The following UNKL variants were observed in gnomAD, a reference collection of about 807,000 sequenced individuals.
UNKL encodes the protein putative E3 ubiquitin-protein ligase UNKL.
UNKL carries 60 observed loss-of-function variants against 78.0 expected under a neutral mutation model. The observed-to-expected ratio is 0.77, with a 90% CI of 0.63 to 0.95. The LOEUF (loss-of-function observed/expected upper bound fraction) is 0.95, where lower values mean the gene tolerates loss of function less well. UNKL is among the 40% of genes least tolerant of loss of function. UNKL has a pLI of 0.00. For synonymous variants in UNKL, 608 were observed against 474.8 expected (o/e 1.28, Z -3.65); for missense variants, 1,159 against 1,045.7 (o/e 1.11, Z -1.49).
intron 8 of UNKL, among the ~76,000 whole-genome samples, 170 bp from the exon 9 acceptor site, chr16:1,390,864 T>C (rs1567223324): frequency 6.6e-6 from 1 of 152,014 alleles, no homozygotes; most frequent in Non-Finnish European, 1.5e-5. Flanking sequence ...AACCTGTCTC[T>C]ACTAAAAACA....
chr16:1,372,205 A>T (rs1347894120), intron 10 of UNKL, among the ~76,000 whole-genome samples: 2 of 152,118 alleles, frequency 1.3e-5, no homozygotes, highest in African/African-American at 4.8e-5. Context: ...CGGAGCTTGC[A>T]GTGAGCCGAG....
chr16:1,391,589 G>A (rs779321605), intron 8 of UNKL, among the ~76,000 whole-genome samples: 5 of 152,108 alleles, frequency 3.3e-5, no homozygotes, highest in Non-Finnish European at 7.4e-5. Context: ...GTGAGCCACT[G>A]CAACTGGCCA....
chr16:1,399,561 G>T lies in UNKL; in HGVS notation c.599-52C>A. ...AGCAGCGCGACTGGAAGCAATGCTG[G>T]GCAGAGGAGACCAAAGGTGGAAGGA... is the stretch of plus-strand genomic sequence containing the variant. On this transcript the variant is annotated intron_variant, in intron 4 of 14. Transcript: ENST00000389221. The surrounding 1 kb of genome is among the most constrained non-coding windows in gnomAD (Gnocchi z 5.8). 6.4e-7 allele frequency: 1 copy of T among 1,554,894 alleles called. No homozygotes were observed. The highest frequency in any genetic ancestry group is 8.7e-7 in the Non-Finnish European group (1 of 1,153,586).
Position 1,413,924 on chromosome 16 carries a change from T to C in UNKL, c.209A>G (p.Asp70Gly). ...GTCGGGGCTGTAGTTGAAGGTGCCG[T>C]CGCGCCTGCGGAGGGGCCTGCGGCG... ...QRRRRPLRRR[D>G]GTFNYSPDVY... The change falls in exon 2 of 15, where the codon GAC (aspartate) becomes GGC (glycine). Residue 70 changes from aspartate (D) to glycine (G), a missense_variant. Asp to Gly is a moderately conservative substitution (Grantham distance 94). Coordinates refer to ENST00000389221, the MANE Select transcript of UNKL (RefSeq NM_001372107.1). 1 of 1,558,024 alleles carries C rather than the reference T, an allele frequency of 6.4e-7. No individual in the cohort carries two copies. The highest frequency in any genetic ancestry group is 1.2e-5 in the South Asian group (1 of 84,668).
chr16:1,395,087 A>G (rs1013109822), intron 6 of UNKL, among the ~76,000 whole-genome samples: 3 of 151,556 alleles, frequency 2.0e-5, no homozygotes, highest in Non-Finnish European at 1.5e-5. Context: ...CATGTTGGCC[A>G]GGCTGGTCTC....
At chr16:1,377,040 C>T (rs894551969) in intron 10 of UNKL, among the ~76,000 whole-genome samples, 6 of 151,964 alleles carry the variant, frequency 3.9e-5, no homozygotes, top group African/African-American at 7.3e-5. Flanking sequence ...CCCCCCCAAC[C>T]GAGATAGAGT....
chr16:1,367,778 C>T lies in UNKL; in HGVS notation c.1666G>A (p.Gly556Ser), dbSNP rs753614533. 1.0e-5 allele frequency: 16 copies of T among 1,572,752 alleles called. No individual in the cohort carries two copies. Among genetic ancestry groups the T allele is most frequent in the South Asian group, 2.3e-5 (2 of 85,446 alleles). ...CTTGCACTCGAAGAGGATGGGGGGC[C>T]GGCACTCAGGATGGGGGAGGGGCTG... ...SPSPSPILSAGPPSSSSASPN... is the reference protein window; with the variant it reads ...SPSPSPILSASPPSSSSASPN... Residue 556 changes from glycine (G) to serine (S), a missense_variant, in exon 13 of 15, where the codon GGC becomes AGC. Gly to Ser is a moderately conservative substitution (Grantham distance 56). Transcript: ENST00000389221.
chr16:1,388,467 A>C (rs1443078748), intron 9 of UNKL, among the ~76,000 whole-genome samples: 2 of 152,148 alleles, frequency 1.3e-5, no homozygotes, highest in East Asian at 3.9e-4. Flanking sequence ...ATAAACCAAC[A>C]GGGACCAGAG....
chr16:1,406,497 G>A (rs1304636403), intron 2 of UNKL, among the ~76,000 whole-genome samples: 1 of 152,154 alleles, frequency 6.6e-6, no homozygotes, highest in African/African-American at 2.4e-5. Context: ...ACAGGCGTGA[G>A]CCACCGCGCC....
intron 9 of UNKL, among the ~76,000 whole-genome samples, chr16:1,386,945 C>A (rs1480567957): frequency 6.6e-6 from 1 of 152,192 alleles, no homozygotes; most frequent in Non-Finnish European, 1.5e-5. Flanking sequence ...GGGGCCTGCC[C>A]CCTCGTCCAT....
chr16:1,401,409 T>TG, intron 4 of UNKL, 159 bp downstream of exon 4: 1 of 940,044 alleles, frequency 1.1e-6, no homozygotes, highest in Non-Finnish European at 1.4e-6. Flanking sequence ...ACCCACCCCC[T>TG]GTTGGGGAGG....
At chr16:1,392,840 C>T (rs2037103849) in intron 8 of UNKL, 51 bp downstream of exon 8, 13 of 1,542,388 alleles carry the variant, frequency 8.4e-6, no homozygotes, top group Non-Finnish European at 1.1e-5. Context: ...CCTAAGAGTT[C>T]AATTAAACCA....
At chr16:1,393,071 G>A (rs878884623) in intron 7 of UNKL, 95 bp from the exon 8 acceptor site, 54 of 1,290,848 alleles carry the variant, frequency 4.2e-5, no homozygotes, top group South Asian at 2.3e-4. Context: ...CCGAGTGTGC[G>A]CAGCCTCGTC....
At chr16:1,388,428 C>T (rs117246734) in intron 9 of UNKL, among the ~76,000 whole-genome samples, 4,624 of 152,236 alleles carry the variant, frequency 0.03, 103 homozygotes, top group South Asian at 0.069. Context: ...GACTCCACCC[C>T]GGAGGCCTTC....
At chr16:1,397,463 C>T (rs1422740717) in intron 5 of UNKL, among the ~76,000 whole-genome samples, 168 bp from the exon 6 acceptor site, 2 of 106,034 alleles carry the variant, frequency 1.9e-5, no homozygotes, top group Non-Finnish European at 3.9e-5. Flanking sequence ...TGGGGCAGGG[C>T]GTGGACCTGG....
At chr16:1,384,141 A>T (rs2036718139) in intron 10 of UNKL, among the ~76,000 whole-genome samples, 1 of 152,140 alleles carries the variant, frequency 6.6e-6, no homozygotes, top group African/African-American at 2.4e-5. Context: ...ATGGGGCTTC[A>T]GCACATCCCA....
At chr16:1,368,874 G>C (rs1408054024) in intron 12 of UNKL, among the ~76,000 whole-genome samples, 2 of 152,002 alleles carry the variant, frequency 1.3e-5, no homozygotes, top group Non-Finnish European at 2.9e-5. Flanking sequence ...CTGGACGACA[G>C]AGTGAAACTT....
intron 10 of UNKL, among the ~76,000 whole-genome samples, chr16:1,375,216 T>G (rs1289045781): frequency 1.3e-5 from 2 of 152,222 alleles, no homozygotes; most frequent in Non-Finnish European, 1.5e-5. Context: ...GTGGCGCAGC[T>G]GGCAGGTCCG....
rs1022157518 is a variant in UNKL, at chr16:1,370,221, G to A, written c.1494C>T (p.Gly498=). 3.3e-6 allele frequency: 5 copies of A among 1,530,264 alleles called. No individual in the cohort carries two copies. The Admixed American group carries it at 6.0e-5, about 18-fold the overall frequency. The allele number at this position is 1,530,264 out of a possible 1,614,324, so 94.8% of individuals were successfully genotyped here. A position where few individuals can be genotyped will look rare whatever the true frequency, so the allele number is the denominator to read the frequency against. The part of the protein sequence containing the change: ...SLSQPLPGPV[G]SSAMTPPQQP... Reference sequence around the variant, plus strand: ...GCTGGGGAGGCGTCATGGCTGAGGAGCCCACCGGCCCTGGGAGGGGCTGGG... The same window carrying A: ...GCTGGGGAGGCGTCATGGCTGAGGAACCCACCGGCCCTGGGAGGGGCTGGG... The change falls in exon 12 of 15, where the codon GGC becomes GGT. Residue 498 remains glycine, a synonymous_variant. Coordinates refer to ENST00000389221, the MANE Select transcript of UNKL (RefSeq NM_001372107.1).
Sources: allele counts gnomAD v4.1 joint callset (sites outside exome capture counted in the v4.1 genomes callset), GRCh38; gene constraint gnomAD v4.1.1; non-coding constraint Gnocchi (gnomAD v3.1); transcripts MANE v1.5; gene names NCBI Gene and HGNC (gene_info 2026-07-23, HGNC 2026-07-21).